The following SFMBT1 variants were observed in gnomAD, a reference collection of about 807,000 sequenced individuals.
SFMBT1 encodes Scm like with four mbt domains 1.
A neutral mutation model predicts 108.7 loss-of-function variants in SFMBT1; 32 were observed. The observed-to-expected ratio is 0.29, with a 90% confidence interval of 0.22 to 0.40. SFMBT1 has a LOEUF of 0.40. SFMBT1 is among the 10% of genes least tolerant of loss of function. The pLI, the probability that SFMBT1 is intolerant of heterozygous loss-of-function variation, is 1.00. For synonymous variants in SFMBT1, 348 were observed against 369.5 expected (o/e 0.94, Z 0.67); for missense variants, 816 against 1,059.6 (o/e 0.77, Z 3.19).
chr3:52,971,980 G>A (rs139046372), intron 1 of SFMBT1, among the ~76,000 whole-genome samples: 10 of 152,222 alleles, frequency 6.6e-5, no homozygotes, highest in East Asian at 3.8e-4. Context: ...GACTGCCTAC[G>A]TGCTGGGGCA....
At chr3:52,962,637 C>T (rs1704000871) in intron 2 of SFMBT1, among the ~76,000 whole-genome samples, 1 of 151,844 alleles carries the variant, frequency 6.6e-6, no homozygotes, top group Non-Finnish European at 1.5e-5. Context: ...GAAACCCCAT[C>T]TCTACTAAAA....
intron 17 of SFMBT1, among the ~76,000 whole-genome samples, chr3:52,908,676 C>A (rs1389735418): frequency 6.6e-6 from 1 of 152,142 alleles, no homozygotes; most frequent in African/African-American, 2.4e-5. Context: ...TCATGTGATT[C>A]TCCTGCCTCA....
At chr3:52,907,764 AG>A in intron 17 of SFMBT1, 31 bp from the exon 18 acceptor site, 2 of 1,563,186 alleles carry the variant, frequency 1.3e-6, no homozygotes, top group Non-Finnish European at 1.7e-6. Context: ...AAAATGAAGT[AG>A]CTTCATTATT....
Position 52,972,744 on chromosome 3 carries a change from AACACACACACACACACACAC to A in SFMBT1, c.-130-3506_-130-3487del, listed in dbSNP as rs55859723. On this transcript the variant is annotated intron_variant, in intron 1 of 20. Transcript: ENST00000394752. ...ACGTGGTAAAACCCCATCTCTACTAAACACACACACACACACACACACACACACACACACACACACACACA... is the reference window on the plus strand; with the variant it reads ...ACGTGGTAAAACCCCATCTCTACTAAACACACACACACACACACACACACA... Among the ~76,000 whole-genome samples, 7 of 95,138 alleles carry A rather than the reference AACACACACACACACACACAC, an allele frequency of 7.4e-5. No individual in the cohort carries two copies. The South Asian group carries it at 1.3e-3, about 17-fold the overall frequency. The allele number at this position is 95,138 out of a possible 152,430, so 62.4% of individuals were successfully genotyped here.
At chr3:53,039,429 AAAGTAG>A (rs1162283864) in intron 1 of SFMBT1, among the ~76,000 whole-genome samples, 1 of 152,216 alleles carries the variant, frequency 6.6e-6, no homozygotes, top group Non-Finnish European at 1.5e-5. Context: ...ATAAAGACAG[AAAGTAG>A]AACAGTGGTT....
chr3:52,984,716 AT>A, intron 1 of SFMBT1, among the ~76,000 whole-genome samples: 1 of 17,524 alleles, frequency 5.7e-5, no homozygotes, highest in Non-Finnish European at 2.5e-4. Flanking sequence ...ACTGAATACT[AT>A]ACTAAATACT....
chr3:53,045,561 G>A (rs1446786775), intron 1 of SFMBT1, among the ~76,000 whole-genome samples: 1 of 141,744 alleles, frequency 7.1e-6, no homozygotes. Context: ...CCCTGCAGCC[G>A]GCCGGCCGGC....
chr3:53,045,196 A>ACGGCGGCCCGGAGCCACCGGTTG (rs1219802173), intron 1 of SFMBT1: 1 of 149,432 alleles, frequency 6.7e-6, no homozygotes, highest in African/African-American at 2.4e-5. Context: ...TCACTTCACA[A>ACGGCGGCCCGGAGCCACCGGTTG]CGGCGGCCCG....
chr3:52,941,849 G>C (rs1367505928), intron 4 of SFMBT1, among the ~76,000 whole-genome samples: 2 of 150,604 alleles, frequency 1.3e-5, no homozygotes, highest in Non-Finnish European at 3.0e-5. Context: ...CAGTGAGCTA[G>C]GATCACGCCA....
chr3:52,937,483 T>A (rs1304150111), intron 4 of SFMBT1, among the ~76,000 whole-genome samples: 1 of 152,214 alleles, frequency 6.6e-6, no homozygotes, highest in Non-Finnish European at 1.5e-5. Context: ...AAGTCAAATC[T>A]ACAAAATAAA....
intron 1 of SFMBT1, among the ~76,000 whole-genome samples, chr3:53,023,521 T>A (rs1177051772): frequency 2.0e-5 from 3 of 152,220 alleles, no homozygotes; most frequent in Non-Finnish European, 2.9e-5. Context: ...ATGAATTAAA[T>A]AAATACCATC....
chr3:53,041,419 G>A (rs1700048532), intron 1 of SFMBT1, among the ~76,000 whole-genome samples: 1 of 151,934 alleles, frequency 6.6e-6, no homozygotes, highest in Non-Finnish European at 1.5e-5. Context: ...CATTTTCCGC[G>A]AGGCGCGGGG....
intron 2 of SFMBT1, among the ~76,000 whole-genome samples, chr3:52,959,629 G>A (rs1264056907): frequency 2.6e-5 from 4 of 152,024 alleles, no homozygotes; most frequent in Non-Finnish European, 4.4e-5. Context: ...TCAAATGTTC[G>A]TCTTCAGAAA....
Position 52,945,988 on chromosome 3 carries a change from C to A in SFMBT1, c.124-2395G>T, listed in dbSNP as rs188188612. 7.9e-5 allele frequency among the ~76,000 whole-genome samples: 12 copies of A among 152,200 alleles called. No homozygotes were observed. In the East Asian group the frequency reaches 2.3e-3, roughly 29 times the overall value. On this transcript the variant is annotated intron_variant, in intron 3 of 20. Transcript: ENST00000394752. ...TACAGTGAAAAAATCTGGCAGATGC[C>A]ACGTAACTAACCAATCAAAGTTTGC... is the stretch of plus-strand genomic sequence containing the variant.
intron 1 of SFMBT1, among the ~76,000 whole-genome samples, chr3:52,999,606 G>A (rs964191046): frequency 2.0e-5 from 3 of 150,246 alleles, no homozygotes; most frequent in Admixed American, 6.7e-5. Flanking sequence ...ACAGGAGTTC[G>A]TGTCCTTGCC....
At chr3:52,906,278 T>TA (rs1423591480) in intron 19 of SFMBT1, 37 bp from the exon 20 acceptor site, 2 of 1,613,190 alleles carry the variant, frequency 1.2e-6, no homozygotes, top group Non-Finnish European at 1.7e-6. Flanking sequence ...CAAATGGTGT[T>TA]ACGGCTATTT....
intron 1 of SFMBT1, among the ~76,000 whole-genome samples, chr3:53,003,772 A>AAAAAAAAAAAAAAAAAG (rs1553642493): frequency 1.4e-5 from 2 of 142,990 alleles, no homozygotes; most frequent in Non-Finnish European, 3.1e-5. Flanking sequence ...AAAAAAAAAA[A>AAAAAAAAAAAAAAAAAG]AAAGAAAAGA....
intron 14 of SFMBT1, among the ~76,000 whole-genome samples, chr3:52,915,094 A>G (rs1248101409): frequency 2.0e-5 from 3 of 152,210 alleles, no homozygotes; most frequent in Non-Finnish European, 2.9e-5. Flanking sequence ...GAACTAGAAG[A>G]AACTTCTGTT....
chr3:52,962,101 A>G (rs1703977024), intron 2 of SFMBT1, among the ~76,000 whole-genome samples: 2 of 152,268 alleles, frequency 1.3e-5, no homozygotes, highest in South Asian at 4.1e-4. Flanking sequence ...AAAGAATTCC[A>G]AAGTGTGACA....
Sources: allele counts gnomAD v4.1 joint callset (sites outside exome capture counted in the v4.1 genomes callset), GRCh38; gene constraint gnomAD v4.1.1; transcripts MANE v1.5; gene names NCBI Gene and HGNC (gene_info 2026-07-23, HGNC 2026-07-21).